Variants in FKBP6 observed in about 807,000 individuals in gnomAD.
FKBP6 encodes the protein inactive peptidyl-prolyl cis-trans isomerase FKBP6.
Under a neutral mutation model 41.7 loss-of-function variants are expected in FKBP6, and 29 were observed. The observed-to-expected ratio is 0.70, with a 90% CI of 0.52 to 0.95. The LOEUF is 0.95. Ranked by LOEUF, FKBP6 falls within the 40% of genes least tolerant of loss-of-function variation. FKBP6 has a pLI of 0.00. For missense variants in FKBP6, 338 were observed against 408.7 expected (o/e 0.83, Z 1.49); for synonymous variants, 130 against 165.1 (o/e 0.79, Z 1.63).
At chr7:73,343,227 C>G (rs1554549865) in intron 8 of FKBP6, among the ~76,000 whole-genome samples, 1 of 152,218 alleles carries the variant, frequency 6.6e-6, no homozygotes. Context: ...GCGATCTCAG[C>G]TCACTGCAAG....
chr7:73,352,430 G>A (rs1554551276), intron 8 of FKBP6, among the ~76,000 whole-genome samples: 1 of 152,202 alleles, frequency 6.6e-6, no homozygotes, highest in Non-Finnish European at 1.5e-5. Flanking sequence ...AAGTGTACAG[G>A]TAGTGAGTGA....
intron 8 of FKBP6, among the ~76,000 whole-genome samples, chr7:73,343,321 T>C (rs1342937899): frequency 1.3e-5 from 2 of 152,168 alleles, no homozygotes; most frequent in Non-Finnish European, 2.9e-5. Flanking sequence ...GCGCTCAGCC[T>C]AAATTTATTT....
intron 3 of FKBP6, chr7:73,329,905 C>G (rs1157438941): frequency 1.7e-6 from 1 of 586,148 alleles, no homozygotes; most frequent in Non-Finnish European, 3.0e-6. Context: ...ATGATTAATT[C>G]TAGCTGGGAG....
intron 5 of FKBP6, among the ~76,000 whole-genome samples, chr7:73,337,429 C>T (rs1357195160): frequency 2.0e-5 from 3 of 151,754 alleles, no homozygotes; most frequent in African/African-American, 7.3e-5. Context: ...ATTCTCCTGC[C>T]TCAGCCTCCC....
In FKBP6 at chr7:73,330,850, G is replaced by T. The variant is rs183266764; in HGVS notation, c.468+498G>T. On this transcript the variant is annotated intron_variant, in intron 4 of 8. Transcript: ENST00000252037. The stretch of plus-strand genomic sequence containing the variant: ...CCACTGTCCTCACCACTTAAGTCTT[G>T]CCTCCTCTTTGTAGCCTTTCACTTA... 6.6e-5 allele frequency among the ~76,000 whole-genome samples: 10 copies of T among 152,278 alleles called. No homozygotes were observed. In the East Asian group the frequency reaches 1.9e-3, roughly 29 times the overall value.
chr7:73,332,523 GA>G (rs1485112503), intron 5 of FKBP6, among the ~76,000 whole-genome samples: 1 of 151,860 alleles, frequency 6.6e-6, no homozygotes, highest in Non-Finnish European at 1.5e-5. Context: ...ATGCCAAAGG[GA>G]TAAGTACTGG....
chr7:73,330,298 G>T lies in FKBP6; in HGVS notation c.414G>T (p.Glu138Asp), dbSNP rs781836957. 6.2e-7 allele frequency: 1 copy of T among 1,614,068 alleles called. No individual in the cohort carries two copies. The highest frequency in any genetic ancestry group is 1.7e-5 in the Admixed American group (1 of 60,004). The change falls in exon 4 of 9, where the codon GAG (glutamate) becomes GAT (aspartate). Residue 138 changes from glutamate to aspartate, a missense_variant. Physicochemically the swap from Glu to Asp is conservative, Grantham distance 45. Around this residue, in one of 2 missense-constraint regions of FKBP6, gnomAD observed 239 missense variants for 250.1 expected, o/e 0.96. Transcript: ENST00000252037. Reference sequence around the variant, plus strand: ...ACACCACTGTCCTGTTTGAGATTGAGCTGCTTGACTTCCTGGACTGTGCTG... The same window carrying T: ...ACACCACTGTCCTGTTTGAGATTGATCTGCTTGACTTCCTGGACTGTGCTG... Reference protein sequence around the residue: ...PPNTTVLFEIELLDFLDCAES... With the variant: ...PPNTTVLFEIDLLDFLDCAES...
intron 8 of FKBP6, among the ~76,000 whole-genome samples, chr7:73,348,863 G>A (rs1411854865): frequency 5.3e-5 from 8 of 152,130 alleles, no homozygotes; most frequent in African/African-American, 1.9e-4. Context: ...CCAGCATTTC[G>A]GGAGGCCAAG....
At chr7:73,337,827 C>CA (rs149979970) in intron 5 of FKBP6, among the ~76,000 whole-genome samples, 4,053 of 152,222 alleles carry the variant, frequency 0.027, 63 homozygotes, top group South Asian at 0.042. Flanking sequence ...AATTCCAGAA[C>CA]ATTTTCCTCA....
chr7:73,333,101 G>A (rs1030063111), intron 5 of FKBP6, among the ~76,000 whole-genome samples: 3 of 151,984 alleles, frequency 2.0e-5, no homozygotes, highest in Non-Finnish European at 4.4e-5. Context: ...GCGAAACCCC[G>A]TCTCTACTAA....
chr7:73,345,626 A>C (rs1554550181), intron 8 of FKBP6, among the ~76,000 whole-genome samples: 1 of 152,196 alleles, frequency 6.6e-6, no homozygotes, highest in African/African-American at 2.4e-5. Flanking sequence ...AGGAGCTGTG[A>C]AGGGAGCTCT....
At chr7:73,353,274 C>T (rs568125583) in intron 8 of FKBP6, among the ~76,000 whole-genome samples, 4 of 152,294 alleles carry the variant, frequency 2.6e-5, no homozygotes, top group Non-Finnish European at 2.9e-5. Flanking sequence ...ACCACAGAAT[C>T]CCTTCTGCCA....
intron 2 of FKBP6, 129 bp from the exon 3 acceptor site, chr7:73,329,231 G>C: frequency 1.3e-6 from 1 of 777,062 alleles, no homozygotes; most frequent in Admixed American, 1.7e-5. Context: ...ATTTATTCCT[G>C]TACCTCGGGG....
Position 73,340,776 on chromosome 7 carries a change from G to A in FKBP6, c.727G>A (p.Glu243Lys). ...ACCCACCATAGCCCTGTGCTATGGA[G>A]AGCAGGCTTTGATCATTGACCAAAA... ...DRPTIALCYG[E>K]QALIIDQKNA... The change falls in exon 6 of 9, where the codon GAG becomes AAG. Residue 243 changes from glutamate to lysine, a missense_variant. Physicochemically the swap from Glu to Lys is moderately conservative, Grantham distance 56. Transcript: ENST00000252037. The A allele has an allele frequency of 6.2e-7, 1 of 1,614,136 alleles. No homozygotes were observed. Among genetic ancestry groups the A allele is most frequent in the Non-Finnish European group, 8.5e-7 (1 of 1,180,040 alleles).
At chr7:73,339,612 C>CT (rs781918379) in intron 5 of FKBP6, among the ~76,000 whole-genome samples, 1,731 of 129,052 alleles carry the variant, frequency 0.013, 32 homozygotes, top group African/African-American at 0.017. Flanking sequence ...CCATGTGACT[C>CT]TTTTTTTTTT....
At chr7:73,343,095 C>T (rs782397397) in intron 8 of FKBP6, among the ~76,000 whole-genome samples, 196 bp downstream of exon 8, 4 of 152,220 alleles carry the variant, frequency 2.6e-5, no homozygotes, top group African/African-American at 7.2e-5. Flanking sequence ...GAAGAAAGTT[C>T]GCCCAGACCT....
intron 8 of FKBP6, among the ~76,000 whole-genome samples, chr7:73,343,258 C>T (rs1298312607): frequency 3.3e-5 from 5 of 152,238 alleles, no homozygotes; most frequent in South Asian, 2.1e-4. Flanking sequence ...CAGGTTCAAG[C>T]GATTCTTCTG....
chr7:73,349,804 C>T (rs578152605), intron 8 of FKBP6, among the ~76,000 whole-genome samples: 15 of 151,886 alleles, frequency 9.9e-5, no homozygotes, highest in Admixed American at 3.3e-4. Context: ...AGCACCCACA[C>T]GTGTTCAGCA....
chr7:73,330,630 C>T (rs1298634562), intron 4 of FKBP6, among the ~76,000 whole-genome samples: 1 of 152,214 alleles, frequency 6.6e-6, no homozygotes, highest in East Asian at 1.9e-4. Context: ...CTAGTTCTCC[C>T]TGTGAGACAG....
Sources: allele counts gnomAD v4.1 joint callset (sites outside exome capture counted in the v4.1 genomes callset), GRCh38; gene constraint gnomAD v4.1.1; regional missense constraint gnomAD v4.1.1; transcripts MANE v1.5; gene names NCBI Gene and HGNC (gene_info 2026-07-23, HGNC 2026-07-21).